The following CENPE variants were observed in gnomAD, a reference collection of about 807,000 sequenced individuals.
CENPE encodes the protein centromere-associated protein E.
In CENPE, 145 loss-of-function variants were observed where a neutral mutation model predicts 336.1. The observed-to-expected ratio is 0.43, with a 90% CI of 0.38 to 0.50. CENPE has a LOEUF of 0.50. Ranked by LOEUF, CENPE falls within the 20% of genes least tolerant of loss-of-function variation. The probability of loss-of-function intolerance (pLI) is 0.00; values close to 1 mark genes in which losing one functional copy is unlikely to be tolerated. For synonymous variants in CENPE, 1,013 were observed against 984.8 expected (o/e 1.03, Z -0.54); for missense variants, 2,719 against 3,023.3 (o/e 0.90, Z 2.36).
At chr4:103,162,283 T>A (rs1754513325) in intron 18 of CENPE, among the ~76,000 whole-genome samples, 1 of 151,744 alleles carries the variant, frequency 6.6e-6, no homozygotes, top group African/African-American at 2.4e-5. Flanking sequence ...CAGAAACTAG[T>A]CTTTTAAAAG....
chr4:103,135,278 A>G (rs1262937151), intron 40 of CENPE, among the ~76,000 whole-genome samples: 2 of 152,284 alleles, frequency 1.3e-5, no homozygotes, highest in Admixed American at 6.5e-5. Context: ...CCTCAAACTC[A>G]AATCTAAATG....
chr4:103,172,468 T>C (rs2125999883), intron 16 of CENPE, among the ~76,000 whole-genome samples: 2 of 152,108 alleles, frequency 1.3e-5, no homozygotes, highest in African/African-American at 4.8e-5. Flanking sequence ...AAAGGCCACA[T>C]ACAACAAACC....
intron 42 of CENPE, among the ~76,000 whole-genome samples, chr4:103,131,127 GA>G (rs1338232067): frequency 6.6e-6 from 1 of 152,000 alleles, no homozygotes; most frequent in East Asian, 1.9e-4. Flanking sequence ...TCTGCACTCT[GA>G]AACACAATGC....
intron 18 of CENPE, among the ~76,000 whole-genome samples, chr4:103,162,013 C>T (rs770671929): frequency 2.0e-5 from 3 of 151,736 alleles, no homozygotes; most frequent in Non-Finnish European, 2.9e-5. Context: ...AATGATATGT[C>T]CTTGGAAAAA....
At chr4:103,174,407 G>T (rs1334298482) in intron 16 of CENPE, among the ~76,000 whole-genome samples, 2 of 151,886 alleles carry the variant, frequency 1.3e-5, no homozygotes, top group Non-Finnish European at 2.9e-5. Flanking sequence ...TAGATAGCAG[G>T]AATAAATTTC....
At chr4:103,186,121 A>G (rs1386835500) in intron 8 of CENPE, among the ~76,000 whole-genome samples, 2 of 152,120 alleles carry the variant, frequency 1.3e-5, no homozygotes, top group Non-Finnish European at 2.9e-5. Flanking sequence ...TGGCAAATAT[A>G]ATTCTTTATA....
In CENPE at chr4:103,145,059, A is replaced by G. The variant is rs762851859; in HGVS notation, c.4848T>C (p.Ile1616=). Residue 1616 remains isoleucine (I), a synonymous_variant, in exon 32 of 49, where the codon ATT becomes ATC. Transcript: ENST00000265148. The part of the protein sequence containing the change: ...RDQLKENTKE[I]VAKMKESQEK... Reference sequence around the variant, plus strand: ...TAAGATGGGAACTTACTTTAGCTACAATTTCTTTAGTGTTTTCTTTCAGTT... The same window carrying G: ...TAAGATGGGAACTTACTTTAGCTACGATTTCTTTAGTGTTTTCTTTCAGTT... 1 of 1,498,140 alleles carries G rather than the reference A, an allele frequency of 6.7e-7. No individual in the cohort carries two copies. Among genetic ancestry groups the G allele is most frequent in the East Asian group, 2.3e-5 (1 of 43,810 alleles). 92.8% of individuals were successfully genotyped at this position (1,498,140 alleles called of 1,614,324 possible).
chr4:103,107,818 T>C (rs990905798), intron 48 of CENPE, among the ~76,000 whole-genome samples: 1 of 152,216 alleles, frequency 6.6e-6, no homozygotes, highest in Non-Finnish European at 1.5e-5. Flanking sequence ...CCTGCTCCTA[T>C]TATTTGCTGG....
At chr4:103,189,467 G>C (rs1377310365) in intron 8 of CENPE, among the ~76,000 whole-genome samples, 2 of 152,124 alleles carry the variant, frequency 1.3e-5, no homozygotes, top group African/African-American at 4.8e-5. Flanking sequence ...TTCATCTCTG[G>C]GATGCAAGGC....
At chr4:103,141,313 TAAATCTATGA>T (rs1463543210) in intron 35 of CENPE, among the ~76,000 whole-genome samples, 1 of 152,184 alleles carries the variant, frequency 6.6e-6, no homozygotes, top group East Asian at 1.9e-4. Flanking sequence ...GACACAGGTG[TAAATCTATGA>T]AACTACAACC....
chr4:103,195,801 A>T (rs556526950), intron 4 of CENPE, 119 bp downstream of exon 4: 1 of 698,468 alleles, frequency 1.4e-6, no homozygotes, highest in Non-Finnish European at 2.6e-6. Context: ...CCCATGGATA[A>T]TCAAACAATA....
intron 47 of CENPE, among the ~76,000 whole-genome samples, chr4:103,109,681 G>A (rs1393854417): frequency 6.6e-6 from 1 of 152,000 alleles, no homozygotes; most frequent in African/African-American, 2.4e-5. Flanking sequence ...TATCCCTATT[G>A]GGGCCAAGCT....
intron 12 of CENPE, among the ~76,000 whole-genome samples, chr4:103,180,710 A>C (rs145464550): frequency 5.3e-4 from 80 of 152,290 alleles, no homozygotes; most frequent in Middle Eastern, 3.4e-3. Context: ...ACCATGTATA[A>C]GACACCAATG....
chr4:103,191,738 T>C (rs1457848972), intron 8 of CENPE, among the ~76,000 whole-genome samples: 1 of 151,948 alleles, frequency 6.6e-6, no homozygotes, highest in Non-Finnish European at 1.5e-5. Flanking sequence ...GGCACATGTA[T>C]ACATATGTAA....
Position 103,114,126 on chromosome 4 carries a change from G to A in CENPE, c.7540+329C>T, listed in dbSNP as rs188624112. On this transcript the variant is annotated intron_variant, in intron 46 of 48. Transcript: ENST00000265148. ...TAAAATCTACGAAGACATGTGTTTC[G>A]TTTTATTGGGAAGCATAATTCCATG... Among the ~76,000 whole-genome samples, 551 of 152,134 alleles carry A rather than the reference G, an allele frequency of 3.6e-3. 3 individuals carry two copies. Among genetic ancestry groups the A allele is most frequent in the African/African-American group, 0.013 (524 of 41,536 alleles).
chr4:103,113,529 TAA>T (rs1478087028), intron 46 of CENPE, among the ~76,000 whole-genome samples: 3 of 140,682 alleles, frequency 2.1e-5, no homozygotes, highest in African/African-American at 7.9e-5. Context: ...ATATTATATA[TAA>T]TATATAACTT....
intron 13 of CENPE, among the ~76,000 whole-genome samples, chr4:103,177,443 T>C (rs777886557): frequency 1.9e-4 from 29 of 151,936 alleles, no homozygotes; most frequent in Non-Finnish European, 3.1e-4. Context: ...GACTCTTTAC[T>C]GGGTGCAAGT....
chr4:103,145,810 G>T lies in CENPE; in HGVS notation c.4413+19C>A. 6.4e-7 allele frequency: 1 copy of T among 1,567,720 alleles called. No individual in the cohort carries two copies. Among genetic ancestry groups the T allele is most frequent in the South Asian group, 1.2e-5 (1 of 82,788 alleles). On this transcript the variant is annotated intron_variant, in intron 30 of 48. Transcript: ENST00000265148. ...GTTACAAAATATTTTTTAAAAACAT[G>T]GTGAAAGATGAAACCTACTTTAGCT...
chr4:103,175,923 G>T (rs1462351006), intron 15 of CENPE, 37 bp downstream of exon 15: 1 of 1,241,336 alleles, frequency 8.1e-7, no homozygotes, highest in African/African-American at 1.5e-5. Context: ...TTTAAAAAGA[G>T]TAAAAGCATT....
Sources: gnomAD v4.1 joint callset for allele counts (sites outside exome capture counted in the v4.1 genomes callset) on GRCh38, gnomAD v4.1.1 for gene constraint, MANE v1.5 for transcripts, NCBI Gene and HGNC (gene_info 2026-07-23, HGNC 2026-07-21) for gene names.